PTPRG: variants seen among roughly 807,000 people sequenced by gnomAD.
The protein encoded by PTPRG is protein tyrosine phosphatase receptor type G, also known as receptor-type tyrosine-protein phosphatase gamma.
In PTPRG, 102 loss-of-function variants were observed where a neutral mutation model predicts 165.3. The observed-to-expected ratio is 0.62, with a 90% CI of 0.53 to 0.73. PTPRG has a LOEUF of 0.73. Ranked by LOEUF, PTPRG falls within the 30% of genes least tolerant of loss-of-function variation. PTPRG has a pLI of 0.00. For missense variants in PTPRG, 1,866 were observed against 1,861.4 expected, an observed-to-expected ratio of 1.00 and a Z score of -0.05; for synonymous variants, 675 against 669.5, an observed-to-expected ratio of 1.01 and a Z score of -0.13.
chr3:62,163,588 A>G (rs1401605848), intron 7 of PTPRG, among the ~76,000 whole-genome samples: 1 of 152,216 alleles, frequency 6.6e-6, no homozygotes, highest in Admixed American at 6.5e-5. Flanking sequence ...TTTGATAAAT[A>G]TAAGGGGGAT....
intron 4 of PTPRG, among the ~76,000 whole-genome samples, chr3:62,076,994 A>AGTG (rs2106749103): frequency 6.6e-6 from 1 of 152,346 alleles, no homozygotes; most frequent in Admixed American, 6.5e-5. Flanking sequence ...AGTCAGGCCC[A>AGTG]GTGGCTCACA....
At chr3:62,022,495 A>G (rs1334307298) in intron 4 of PTPRG, among the ~76,000 whole-genome samples, 1 of 152,210 alleles carries the variant, frequency 6.6e-6, no homozygotes, top group Non-Finnish European at 1.5e-5. Context: ...TTTACCCAAC[A>G]GGCATTTTTC....
intron 5 of PTPRG, among the ~76,000 whole-genome samples, chr3:62,114,270 G>C (rs574598833): frequency 6.6e-6 from 1 of 152,208 alleles, no homozygotes; most frequent in East Asian, 1.9e-4. Flanking sequence ...CTACACTCCA[G>C]CCTGGGCAAC....
At chr3:61,613,469 T>A (rs1026196818) in intron 1 of PTPRG, among the ~76,000 whole-genome samples, 2 of 152,224 alleles carry the variant, frequency 1.3e-5, no homozygotes, top group South Asian at 4.1e-4. Context: ...GGAATTTGTG[T>A]GTTTCTTAGA....
chr3:61,995,545 G>T (rs546584285), intron 3 of PTPRG, among the ~76,000 whole-genome samples: 2 of 152,142 alleles, frequency 1.3e-5, no homozygotes, highest in Admixed American at 6.5e-5. Flanking sequence ...GATTGGTTAG[G>T]AAGTTTCTAG....
At chr3:61,641,545 G>C (rs1338268292) in intron 1 of PTPRG, among the ~76,000 whole-genome samples, 2 of 152,184 alleles carry the variant, frequency 1.3e-5, no homozygotes, top group African/African-American at 2.4e-5. Flanking sequence ...CACCGAGTTA[G>C]TTCTGACTCT....
intron 8 of PTPRG, among the ~76,000 whole-genome samples, chr3:62,182,240 A>G (rs1312801813): frequency 6.6e-6 from 1 of 152,178 alleles, no homozygotes; most frequent in African/African-American, 2.4e-5. Context: ...AAATTGACCC[A>G]TGCAGTTCGA....
intron 1 of PTPRG, among the ~76,000 whole-genome samples, chr3:61,717,932 G>A (rs1170743308): frequency 6.6e-6 from 1 of 152,072 alleles, no homozygotes; most frequent in Non-Finnish European, 1.5e-5. Context: ...TATAATCCCA[G>A]CACTTTGGAG....
intron 5 of PTPRG, among the ~76,000 whole-genome samples, chr3:62,118,895 G>C (rs1196826005): frequency 6.6e-6 from 1 of 152,168 alleles, no homozygotes. Flanking sequence ...GAACTCTCTA[G>C]ATACCCTGAT....
intron 1 of PTPRG, among the ~76,000 whole-genome samples, chr3:61,688,177 C>G (rs1192229062): frequency 6.6e-6 from 1 of 152,156 alleles, no homozygotes; most frequent in Non-Finnish European, 1.5e-5. Context: ...GACAGAGAGA[C>G]ATTTCCTGGA....
chr3:62,050,917 T>A (rs1341860120), intron 4 of PTPRG, among the ~76,000 whole-genome samples: 1 of 152,214 alleles, frequency 6.6e-6, no homozygotes, highest in Non-Finnish European at 1.5e-5. Flanking sequence ...GAAAGTTCTC[T>A]ATTAATACTC....
intron 1 of PTPRG, among the ~76,000 whole-genome samples, chr3:61,681,146 G>A (rs540655481): frequency 6.6e-6 from 1 of 150,588 alleles, no homozygotes; most frequent in Admixed American, 6.6e-5. Context: ...GGCAATTTAA[G>A]GTCCATCCCA....
At chr3:61,741,237 T>C (rs550006461) in intron 1 of PTPRG, among the ~76,000 whole-genome samples, 86 of 152,348 alleles carry the variant, frequency 5.6e-4, no homozygotes, top group Middle Eastern at 3.4e-3. Flanking sequence ...AAAATAGATA[T>C]AAACAACCTA....
intron 1 of PTPRG, among the ~76,000 whole-genome samples, chr3:61,564,853 G>A (rs537028550): frequency 6.6e-6 from 1 of 152,190 alleles, no homozygotes; most frequent in African/African-American, 2.4e-5. Context: ...GCCTTGGCGC[G>A]AGGCGGCGGC....
intron 4 of PTPRG, among the ~76,000 whole-genome samples, chr3:62,018,167 T>C (rs2041596828): frequency 6.6e-6 from 1 of 152,250 alleles, no homozygotes; most frequent in African/African-American, 2.4e-5. Context: ...CTTGACCTCA[T>C]AGAACCTGAG....
intron 14 of PTPRG, among the ~76,000 whole-genome samples, chr3:62,239,621 A>G (rs1325047866): frequency 1.3e-5 from 2 of 151,862 alleles, no homozygotes; most frequent in African/African-American, 4.8e-5. Context: ...CGGCCTCCCA[A>G]AGTGCTGGGA....
chr3:62,050,520 GACTGT>G (rs1027277175), intron 4 of PTPRG, among the ~76,000 whole-genome samples: 1 of 152,204 alleles, frequency 6.6e-6, no homozygotes, highest in Non-Finnish European at 1.5e-5. Context: ...AGTGACACTT[GACTGT>G]CTAGATTTGA....
At chr3:61,971,795 C>T (rs539906980) in intron 2 of PTPRG, among the ~76,000 whole-genome samples, 222 of 152,294 alleles carry the variant, frequency 1.5e-3, no homozygotes, top group Non-Finnish European at 2.6e-3. Context: ...AACTGGTTGA[C>T]ATTAAGCATA....
chr3:61,943,149 C>T (rs969223968), intron 2 of PTPRG, among the ~76,000 whole-genome samples: 4 of 152,108 alleles, frequency 2.6e-5, no homozygotes, highest in Admixed American at 6.5e-5. Context: ...AAAATCCTTA[C>T]GTGAAAAACA....
Sources: gnomAD v4.1 joint callset for allele counts (sites outside exome capture counted in the v4.1 genomes callset) on GRCh38, gnomAD v4.1.1 for gene constraint, MANE v1.5 for transcripts, NCBI Gene and HGNC (gene_info 2026-07-23, HGNC 2026-07-21) for gene names.